Variants in APOBEC3C observed in about 807,000 individuals in gnomAD.
The protein encoded by APOBEC3C is apolipoprotein B mRNA editing enzyme catalytic subunit 3C.
In APOBEC3C, 14 loss-of-function variants were observed where a neutral mutation model predicts 20.6. The ratio of observed to expected loss-of-function variants is 0.68; its 90% CI spans 0.45 to 1.06. The LOEUF (loss-of-function observed/expected upper bound fraction) is 1.06, where lower values mean the gene tolerates loss of function less well. Ranked by LOEUF, APOBEC3C falls within the 50% of genes least tolerant of loss-of-function variation. The probability of loss-of-function intolerance (pLI) is 0.00; values close to 1 mark genes in which losing one functional copy is unlikely to be tolerated. For missense variants in APOBEC3C, 244 were observed against 241.9 expected (o/e 1.01, Z -0.06); for synonymous variants, 98 against 88.8 (o/e 1.10, Z -0.58).
intron 2 of APOBEC3C, 54 bp from the exon 3 acceptor site, chr22:39,017,712 A>C (rs1924839490): frequency 6.3e-7 from 1 of 1,582,532 alleles, no homozygotes; most frequent in Non-Finnish European, 8.6e-7. Flanking sequence ...CCACCCCTGC[A>C]CTCCTCCTGC....
At chr22:39,017,742 G>T in intron 2 of APOBEC3C, 24 bp from the exon 3 acceptor site, 1 of 1,604,976 alleles carries the variant, frequency 6.2e-7, no homozygotes, top group Non-Finnish European at 8.5e-7. Flanking sequence ...GAGCTCCCCT[G>T]TCCTCCTCCT....
chr22:39,018,330 G>A lies in APOBEC3C; in HGVS notation c.516G>A (p.Lys172=). ...YNDNEPFKPW[K]GLKTNFRLLK... ...ATAATGAGCCATTCAAGCCTTGGAA[G>A]GGATTAAAAACCAACTTTCGACTTC... The change falls in exon 4 of 4, where the codon AAG becomes AAA. Residue 172 remains lysine (K), a synonymous_variant. Transcript: ENST00000361441. The A allele has an allele frequency of 6.2e-7, 1 of 1,614,180 alleles. No homozygotes were observed. Among genetic ancestry groups the A allele is most frequent in the Non-Finnish European group, 8.5e-7 (1 of 1,180,022 alleles).
At chr22:39,018,103 G>A in intron 3 of APOBEC3C, 58 bp downstream of exon 3, 1 of 1,597,168 alleles carries the variant, frequency 6.3e-7, no homozygotes, top group Non-Finnish European at 8.6e-7. Context: ...AGGGGCAGAT[G>A]GTTCTCCAAT....
At chr22:39,017,275 T>A (rs1460187783) in intron 2 of APOBEC3C, among the ~76,000 whole-genome samples, 1 of 151,364 alleles carries the variant, frequency 6.6e-6, no homozygotes, top group African/African-American at 2.4e-5. Context: ...AGGAGAAGGA[T>A]AGAAGAAGGG....
At position 39,015,550 on chromosome 22, in the gene APOBEC3C, C is replaced by A. The variant is rs201273021; in HGVS notation, c.18-45C>A. ...CAGTGGGCATCAGCCCTGAGGACTC[C>A]GGTGCGGGGGTCTCTGCATTGGGGT... On this transcript the variant is annotated intron_variant, in intron 1 of 3. Coordinates refer to ENST00000361441, the MANE Select transcript of APOBEC3C (RefSeq NM_014508.3). The A allele has an allele frequency of 2.5e-6, 4 of 1,596,080 alleles. No individual in the cohort carries two copies. In the African/African-American group the frequency reaches 5.4e-5, roughly 21 times the overall value.
intron 1 of APOBEC3C, 146 bp from the exon 2 acceptor site, chr22:39,015,449 G>T: frequency 1.0e-6 from 1 of 952,384 alleles, no homozygotes; most frequent in Non-Finnish European, 1.5e-6. Flanking sequence ...TCCTGCCTGG[G>T]AAAGCAGCAG....
In APOBEC3C at chr22:39,017,894, AG is replaced by A; in HGVS notation, c.307del (p.Glu103ArgfsTer12). ...TSWSPCPDCA[G>X]EVAEFLARHS... is the part of the protein sequence containing the mutation. ...CTTGGAGCCCTTGCCCAGACTGTGC[AG>A]GGGAGGTGGCCGAGTTCCTGGCCAG... On this transcript the variant is annotated frameshift_variant, in exon 3 of 4. Transcript: ENST00000361441. LOFTEE classifies it high-confidence loss of function. 6.2e-7 allele frequency: 1 copy of A among 1,614,180 alleles called. No individual in the cohort carries two copies. Among genetic ancestry groups the A allele is most frequent in the Non-Finnish European group, 8.5e-7 (1 of 1,180,018 alleles).
At position 39,018,053 on chromosome 22, in the gene APOBEC3C, G is replaced by A. The variant is rs758434327; in HGVS notation, c.454+8G>A. On this transcript the variant is annotated splice_region_variant and intron_variant, in intron 3 of 3. Coordinates refer to ENST00000361441, the MANE Select transcript of APOBEC3C (RefSeq NM_014508.3). ...AGATCATGGACTATGAAGGTGAGACGTGGGGGGCTGAGGAGAGTGGGTGCA... is the reference window on the plus strand; with the variant it reads ...AGATCATGGACTATGAAGGTGAGACATGGGGGGCTGAGGAGAGTGGGTGCA... 3.0e-5 allele frequency: 48 copies of A among 1,613,428 alleles called. No homozygotes were observed. Among genetic ancestry groups the A allele is most frequent in the Admixed American group, 5.0e-5 (3 of 59,992 alleles).
rs543652790 is a variant in APOBEC3C at position 39,018,410 on chromosome 22, T to C, written c.*23T>C. The stretch of plus-strand genomic sequence containing the variant: ...TGAGGGGTCTCCCTGGGCCTCATGG[T>C]CTGTCTCCTCTAGCCTCCTGCTCAT... On this transcript the variant is annotated 3_prime_UTR_variant, in exon 4 of 4. Transcript: ENST00000361441. The C allele has an allele frequency of 5.0e-5, 81 of 1,608,516 alleles. 1 individual carries two copies. In the South Asian group the frequency reaches 8.8e-4, roughly 17 times the overall value.
chr22:39,015,449 G>C, intron 1 of APOBEC3C, 146 bp from the exon 2 acceptor site: 1 of 952,384 alleles, frequency 1.0e-6, no homozygotes, highest in Non-Finnish European at 1.5e-6. Flanking sequence ...TCCTGCCTGG[G>C]AAAGCAGCAG....
At chr22:39,014,938 C>G (rs540988910) in intron 1 of APOBEC3C, among the ~76,000 whole-genome samples, 1 of 152,114 alleles carries the variant, frequency 6.6e-6, no homozygotes, top group Non-Finnish European at 1.5e-5. Flanking sequence ...CTGTGAGCAC[C>G]GTTCACCTTT....
Position 39,019,802 on chromosome 22 carries a change from T to A in APOBEC3C, c.*1415T>A, listed in dbSNP as rs1185428312. The stretch of plus-strand genomic sequence containing the variant: ...CTCTCTGCCTCCAAATATCATCTTT[T>A]TTTTTTTTTTTTTTTTTTTTGAGAC... On this transcript the variant is annotated 3_prime_UTR_variant, in exon 4 of 4. Transcript: ENST00000361441. The A allele has an allele frequency of 7.1e-6, 1 of 141,174 alleles. No homozygotes were observed. Among genetic ancestry groups the A allele is most frequent in the Non-Finnish European group, 1.5e-5 (1 of 64,876 alleles). 8.7% of individuals were successfully genotyped at this position (141,174 alleles called of 1,614,324 possible).
rs764276625 is a variant in APOBEC3C at position 39,015,560 on chromosome 22, G to T, written c.18-35G>T. 12 of 1,607,068 alleles carry T rather than the reference G, an allele frequency of 7.5e-6. No homozygotes were observed. The South Asian group carries it at 1.0e-4, about 13-fold the overall frequency. ...CAGCCCTGAGGACTCCGGTGCGGGG[G>T]TCTCTGCATTGGGGTTTCTCTCTTG... On this transcript the variant is annotated intron_variant, in intron 1 of 3. Coordinates refer to ENST00000361441, the MANE Select transcript of APOBEC3C (RefSeq NM_014508.3).
intron 3 of APOBEC3C, 57 bp downstream of exon 3, chr22:39,018,102 T>C: frequency 6.3e-7 from 1 of 1,597,666 alleles, no homozygotes. Context: ...GAGGGGCAGA[T>C]GGTTCTCCAA....
chr22:39,017,360 T>C (rs1534916), intron 2 of APOBEC3C, among the ~76,000 whole-genome samples: 103,056 of 152,044 alleles, frequency 0.68, 35,344 homozygotes, highest in African/African-American at 0.75. Context: ...AAAATAAGGC[T>C]GTGCATGTGG....
At chr22:39,015,874 ATTT>A (rs57093395) in intron 2 of APOBEC3C, 123 bp downstream of exon 2, 9,817 of 537,158 alleles carry the variant, frequency 0.018, no homozygotes, top group South Asian at 0.028. Flanking sequence ...CCACATTTCT[ATTT>A]TTTTTTTTTT....
rs1924997649 is a variant in APOBEC3C, at chr22:39,020,243, C to CTAAA, written c.*1858_*1861dup. On this transcript the variant is annotated 3_prime_UTR_variant, in exon 4 of 4. Transcript: ENST00000361441. Reference sequence around the variant, plus strand: ...GCTCCTGCCCAAACCCCTCCTGCTCCTAAATGTCTGTCTCTGGTGTTAACC... The same window carrying CTAAA: ...GCTCCTGCCCAAACCCCTCCTGCTCCTAAATAAATGTCTGTCTCTGGTGTTAACC... 6.6e-6 allele frequency: 1 copy of CTAAA among 152,260 alleles called. No homozygotes were observed. The highest frequency in any genetic ancestry group is 6.5e-5 in the Admixed American group (1 of 15,286). 9.4% of individuals were successfully genotyped at this position (152,260 alleles called of 1,614,324 possible).
intron 1 of APOBEC3C, among the ~76,000 whole-genome samples, chr22:39,015,224 G>A (rs528653838): frequency 1.6e-4 from 25 of 151,990 alleles, no homozygotes; most frequent in African/African-American, 5.6e-4. Flanking sequence ...CCTTGAACCC[G>A]AGGGGTGGAG....
Position 39,017,623 on chromosome 22 carries a change from C to CAG in APOBEC3C, c.175-135_175-134dup, listed in dbSNP as rs1022058971. ...CCACTGCACCCCCTAACCTGTGCAC[C>CAG]AGAGAGAGACCCTGTCTCAAAAATG... On this transcript the variant is annotated intron_variant, in intron 2 of 3. Transcript: ENST00000361441. 16 of 1,122,928 alleles carry CAG rather than the reference C, an allele frequency of 1.4e-5. No individual in the cohort carries two copies. The African/African-American group carries it at 1.9e-4, about 13-fold the overall frequency. The allele number at this position is 1,122,928 out of a possible 1,614,324, so 69.6% of individuals were successfully genotyped here. A position where few individuals can be genotyped will look rare whatever the true frequency, so the allele number is the denominator to read the frequency against.
Sources: gnomAD v4.1 joint callset for allele counts (sites outside exome capture counted in the v4.1 genomes callset) on GRCh38, gnomAD v4.1.1 for gene constraint, MANE v1.5 for transcripts, NCBI Gene and HGNC (gene_info 2026-07-23, HGNC 2026-07-21) for gene names.